The following PKD1 variants were observed in gnomAD, a reference collection of about 807,000 sequenced individuals.
PKD1 encodes polycystin 1, transient receptor potential channel interacting.
A neutral mutation model predicts 361.7 loss-of-function variants in PKD1; 81 were observed. The ratio of observed to expected loss-of-function variants is 0.22; its 90% confidence interval spans 0.19 to 0.27. The LOEUF (loss-of-function observed/expected upper bound fraction) is 0.27. PKD1 is among the 10% of genes least tolerant of loss of function. The pLI, the probability that PKD1 is intolerant of heterozygous loss-of-function variation, is 1.00. For synonymous variants in PKD1, 3,615 were observed against 2,818.3 expected (o/e 1.28, Z -8.95); for missense variants, 6,399 against 6,118.3 (o/e 1.05, Z -1.53).
intron 24 of PKD1, 36 bp from the exon 25 acceptor site, chr16:2,102,669 C>G (rs2575321): frequency 6.2e-7 from 1 of 1,610,490 alleles, no homozygotes; most frequent in African/African-American, 1.3e-5. Context: ...TGAGCCCAGG[C>G]TCCGCCAGGT....
chr16:2,092,054 G>T lies in PKD1; in HGVS notation c.11404C>A (p.Leu3802Met), dbSNP rs756308252. 16 of 1,612,700 alleles carry T rather than the reference G, an allele frequency of 9.9e-6. No individual in the cohort carries two copies. Among genetic ancestry groups the T allele is most frequent in the South Asian group, 2.2e-5 (2 of 91,088 alleles). The change falls in exon 40 of 46, where the codon CTG (leucine) becomes ATG (methionine). Residue 3802 changes from leucine (L) to methionine (M), a missense_variant. By Grantham distance (15) the Leu-to-Met change is conservative. Coordinates refer to ENST00000262304, the MANE Select transcript of PKD1 (RefSeq NM_001009944.3). ...GGCCCTCGCTCTGCTCACCCCAGCA[G>T]ATCCGGCGCTGAATAGGCCCACGTC... The part of the protein sequence containing the change: ...SGTWAYSAPD[L>M]LGAWSWGSCA...
rs764721727 is a variant in PKD1, at chr16:2,110,084, C to T, written c.5083G>A (p.Val1695Met). Reference sequence around the variant, plus strand: ...AGCATGTTGGTGGCCCGCAGCTGCACATGGTAGGTGCCGGCCTCGAGCACG... The same window carrying T: ...AGCATGTTGGTGGCCCGCAGCTGCATATGGTAGGTGCCGGCCTCGAGCACG... Reference protein sequence around the residue: ...LTVLEAGTYHVQLRATNMLGS... With the variant: ...LTVLEAGTYHMQLRATNMLGS... Residue 1695 changes from valine to methionine, a missense_variant, in exon 15 of 46, where the codon GTG (valine) becomes ATG (methionine). Physicochemically the swap from Val to Met is conservative, Grantham distance 21 (BLOSUM62 1). Transcript: ENST00000262304. The T allele has an allele frequency of 1.1e-5, 18 of 1,609,956 alleles. 2 individuals are homozygous for T. Among genetic ancestry groups the T allele is most frequent in the South Asian group, 8.8e-5 (8 of 90,874 alleles).
At chr16:2,113,977 G>A (rs1318251378) in intron 11 of PKD1, 193 bp downstream of exon 11, 7 of 605,284 alleles carry the variant, frequency 1.2e-5, no homozygotes, top group South Asian at 9.8e-5. Flanking sequence ...GCCACTGTCA[G>A]AGCCGTGACT....
At position 2,116,621 on chromosome 16, in the gene PKD1, G is replaced by A. The variant is rs767232650; in HGVS notation, c.1630C>T (p.Leu544Phe). The A allele has an allele frequency of 4.5e-6, 7 of 1,550,730 alleles. No homozygotes were observed. The African/African-American group carries it at 5.4e-5, about 12-fold the overall frequency. Residue 544 changes from leucine (L) to phenylalanine (F), a missense_variant, in exon 8 of 46, where the codon CTC becomes TTC. By Grantham distance (22) the Leu-to-Phe change is conservative. Transcript: ENST00000262304. ...TCCCCACTGGGCGCTCCCACGAGGA[G>A]GTTCTCGGCATCCTGCACTGGGCCT... ...PGGPVQDAENLLVGAPSGDLQ... is the reference protein window; with the variant it reads ...PGGPVQDAENFLVGAPSGDLQ...
At chr16:2,090,258 C>T in intron 45 of PKD1, 27 bp downstream of exon 45, 1 of 1,608,630 alleles carries the variant, frequency 6.2e-7, no homozygotes, top group Non-Finnish European at 8.5e-7. Flanking sequence ...GGGCGTGTCC[C>T]TCTCCCCCCC....
intron 1 of PKD1, among the ~76,000 whole-genome samples, chr16:2,122,818 A>T (rs980798409): frequency 6.6e-6 from 1 of 152,202 alleles, no homozygotes; most frequent in Non-Finnish European, 1.5e-5. Context: ...CGGTGAACAC[A>T]GGCAGGCCCC....
At chr16:2,129,539 T>A (rs2092842912) in intron 1 of PKD1, among the ~76,000 whole-genome samples, 1 of 141,654 alleles carries the variant, frequency 7.1e-6, no homozygotes, top group African/African-American at 2.7e-5. Context: ...TCAGATCCTG[T>A]GATTTTTTTT....
At chr16:2,122,549 C>T (rs1045010279) in intron 1 of PKD1, among the ~76,000 whole-genome samples, 2 of 152,210 alleles carry the variant, frequency 1.3e-5, no homozygotes, top group East Asian at 1.9e-4. Flanking sequence ...ACACCATCCC[C>T]GCCGTGGGGT....
Position 2,113,462 on chromosome 16 carries a change from C to G in PKD1, c.2854-170G>C. 4.1e-6 allele frequency: 3 copies of G among 735,970 alleles called. No individual in the cohort carries two copies. The East Asian group carries it at 7.5e-5, about 18-fold the overall frequency. 45.6% of individuals were successfully genotyped at this position (735,970 alleles called of 1,614,324 possible). A position where few individuals can be genotyped will look rare whatever the true frequency, so the allele number is the denominator to read the frequency against. ...AGCCAAGCCCGGGCTGGGACACTCA[C>G]TGTCCGGCTCTCCAGCCAGCCATGT... On this transcript the variant is annotated intron_variant, in intron 11 of 45. Coordinates refer to ENST00000262304, the MANE Select transcript of PKD1 (RefSeq NM_001009944.3).
At chr16:2,104,695 C>A in intron 21 of PKD1, 53 bp from the exon 22 acceptor site, 1 of 1,057,602 alleles carries the variant, frequency 9.5e-7, no homozygotes, top group South Asian at 1.3e-5. Context: ...TCCTTGCACA[C>A]GCCCTCCTCT....
Position 2,110,231 on chromosome 16 carries a change from T to C in PKD1, c.4936A>G (p.Thr1646Ala). ...QVVGGGRYFP[T>A]NHTVQLQAVV... Reference sequence around the variant, plus strand: ...GCCTGCAGCTGTACCGTGTGGTTGGTGGGGAAGTAGCGGCCACCGCCCACC... The same window carrying C: ...GCCTGCAGCTGTACCGTGTGGTTGGCGGGGAAGTAGCGGCCACCGCCCACC... Residue 1646 changes from threonine (T) to alanine (A), a missense_variant, in exon 15 of 46, where the codon ACC becomes GCC. By Grantham distance (58) the Thr-to-Ala change is moderately conservative. Coordinates refer to ENST00000262304, the MANE Select transcript of PKD1 (RefSeq NM_001009944.3). 2 of 1,612,058 alleles carry C rather than the reference T, an allele frequency of 1.2e-6. No individual in the cohort carries two copies. The highest frequency in any genetic ancestry group is 1.7e-6 in the Non-Finnish European group (2 of 1,179,772).
At position 2,104,393 on chromosome 16, in the gene PKD1, G is replaced by A. The variant is rs554747042; in HGVS notation, c.8161+105C>T. The A allele has an allele frequency of 3.0e-4, 192 of 637,644 alleles. 3 individuals carry two copies. The East Asian group carries it at 5.7e-3, about 19-fold the overall frequency. The allele number at this position is 637,644 out of a possible 1,614,324, so 39.5% of individuals were successfully genotyped here. A position where few individuals can be genotyped will look rare whatever the true frequency, so the allele number is the denominator to read the frequency against. ...ATGGGAATTGGGGGGAGGGGAGGGG[G>A]ACGAAGATGGGATGGGGCAAAGGCG... On this transcript the variant is annotated intron_variant, in intron 22 of 45. Coordinates refer to ENST00000262304, the MANE Select transcript of PKD1 (RefSeq NM_001009944.3).
chr16:2,103,033 G>C, intron 23 of PKD1, 63 bp from the exon 24 acceptor site: 1 of 1,557,256 alleles, frequency 6.4e-7, no homozygotes, highest in Non-Finnish European at 8.7e-7. Context: ...GGACACCCAC[G>C]ATGGCCCTCC....
intron 34 of PKD1, among the ~76,000 whole-genome samples, chr16:2,096,108 G>C (rs187490852): frequency 2.7e-4 from 41 of 152,372 alleles, no homozygotes; most frequent in African/African-American, 9.6e-4. Context: ...GGATGCAAAA[G>C]CAGCAGTCAC....
In PKD1 at chr16:2,094,181, G is replaced by A. The variant is rs45478794; in HGVS notation, c.10529C>T (p.Thr3510Met). The A allele has an allele frequency of 0.013, 21,199 of 1,605,754 alleles. 645 individuals carry two copies. The highest frequency in any genetic ancestry group is 0.095 in the South Asian group (8,537 of 90,004). Residue 3510 changes from threonine to methionine, a missense_variant, in exon 35 of 46, where the codon ACG becomes ATG. Coordinates refer to ENST00000262304, the MANE Select transcript of PKD1 (RefSeq NM_001009944.3). Reference protein sequence around the residue: ...LSSTPGEKTETLALQRLGELG... With the variant: ...LSSTPGEKTEMLALQRLGELG... ...CTCCCCCAGCCTCTGCAGCGCCAGC[G>A]TCTCTGTCTTCTCCCCAGGAGTGCT...
Position 2,108,025 on chromosome 16 carries a change from G to T in PKD1, c.6923C>A (p.Ala2308Asp), listed in dbSNP as rs1271494867. Residue 2308 changes from alanine (A) to aspartate (D), a missense_variant, in exon 16 of 46, where the codon GCT becomes GAT. Physicochemically the swap from Ala to Asp is moderately radical, Grantham distance 126. Coordinates refer to ENST00000262304, the MANE Select transcript of PKD1 (RefSeq NM_001009944.3). The stretch of plus-strand genomic sequence containing the variant: ...CCCAAAGTTCAGCGCACACCCGCCA[G>T]CCTCCCTCTGCAGGCCGAGAACAAG... Reference protein sequence around the residue: ...WACVASTQREAGGCALNFGPR... With the variant: ...WACVASTQREDGGCALNFGPR... 6 of 1,555,044 alleles carry T rather than the reference G, an allele frequency of 3.9e-6. No individual in the cohort carries two copies. The highest frequency in any genetic ancestry group is 2.3e-4 in the Middle Eastern group (1 of 4,364).
chr16:2,121,523 AG>A (rs2092720909), intron 1 of PKD1, among the ~76,000 whole-genome samples: 1 of 152,202 alleles, frequency 6.6e-6, no homozygotes. Context: ...TAGTCAGTGA[AG>A]AAAAAGCAAC....
Position 2,089,948 on chromosome 16 carries a change from G to C in PKD1, c.12691C>G (p.Gln4231Glu), listed in dbSNP as rs755496450. 1 of 1,612,286 alleles carries C rather than the reference G, an allele frequency of 6.2e-7. No homozygotes were observed. The highest frequency in any genetic ancestry group is 1.1e-5 in the South Asian group (1 of 90,986). Residue 4231 changes from glutamine to glutamate, a missense_variant, in exon 46 of 46, where the codon CAG (glutamine) becomes GAG (glutamate). Coordinates refer to ENST00000262304, the MANE Select transcript of PKD1 (RefSeq NM_001009944.3). The part of the protein sequence containing the change: ...ALLTQFDRLN[Q>E]ATEDVYQLEQ... The stretch of plus-strand genomic sequence containing the variant: ...AGCTGGTAGACGTCCTCTGTGGCCT[G>C]GTTGAGTCGGTCAAACTGGGTGAGC...
At chr16:2,113,485 T>C in intron 11 of PKD1, 193 bp from the exon 12 acceptor site, 2 of 637,214 alleles carry the variant, frequency 3.1e-6, no homozygotes, top group East Asian at 2.6e-5. Context: ...CAGCCAGCCA[T>C]GTAGTACTAC....
Sources: allele counts gnomAD v4.1 joint callset (sites outside exome capture counted in the v4.1 genomes callset), GRCh38; gene constraint gnomAD v4.1.1; transcripts MANE v1.5; gene names NCBI Gene and HGNC (gene_info 2026-07-23, HGNC 2026-07-21).